Variants in SLC16A11 observed in about 807,000 individuals in gnomAD.
SLC16A11 encodes monocarboxylate transporter 11.
SLC16A11 carries 24 observed loss-of-function variants against 26.0 expected under a neutral mutation model. The observed-to-expected ratio is 0.92, with a 90% CI of 0.67 to 1.30. The LOEUF is 1.30. SLC16A11 is among the 50% of genes most tolerant of loss of function. SLC16A11 has a pLI of 0.00. For missense variants in SLC16A11, 638 were observed against 597.7 expected, an observed-to-expected ratio of 1.07 and a Z score of -0.70; for synonymous variants, 332 against 296.0, an observed-to-expected ratio of 1.12 and a Z score of -1.25.
Position 7,043,373 on chromosome 17 carries a change from G to A in SLC16A11, c.141C>T (p.Asp47=), listed in dbSNP as rs1910855995. ...TCCACGCAGTGTCCTGGGCGCTTCG[G>A]TCAAAGTGCTCGGCAAGGTCAGGGA... ...LAFPDLAEHF[D]RSAQDTAWIS... is the part of the protein sequence containing the mutation. Residue 47 remains aspartate, a synonymous_variant, in exon 2 of 5, where the codon GAC becomes GAT. Coordinates refer to ENST00000574600, the MANE Select transcript of SLC16A11 (RefSeq NM_001370549.1). The A allele has an allele frequency of 6.2e-7, 1 of 1,610,494 alleles. No homozygotes were observed. Among genetic ancestry groups the A allele is most frequent in the Non-Finnish European group, 8.5e-7 (1 of 1,179,842 alleles).
chr17:7,042,211 C>T lies in SLC16A11; in HGVS notation c.899G>A (p.Trp300Ter). The change falls in exon 4 of 5, where the codon TGG becomes TAG. Residue 300 changes from tryptophan to a stop codon, truncating the protein, a stop_gained. Transcript: ENST00000574600. LOFTEE classifies it high-confidence loss of function. The surrounding 1 kb of genome is among the most constrained non-coding windows in gnomAD (Gnocchi z 5.9). ...VFGALTGLGLWVVGLVPVVGG... is the reference protein window; with the variant it reads ...VFGALTGLGL ...CACCACGGGCACCAGCCCCACCACC[C>T]ACAGCCCCAGCCCAGTCAGAGCCCC... The T allele has an allele frequency of 6.4e-7, 1 of 1,574,382 alleles. No individual in the cohort carries two copies.
chr17:7,042,272 C>G lies in SLC16A11; in HGVS notation c.838G>C (p.Gly280Arg). The G allele has an allele frequency of 6.4e-7, 1 of 1,572,474 alleles. No homozygotes were observed. The highest frequency in any genetic ancestry group is 8.6e-7 in the Non-Finnish European group (1 of 1,159,368). Residue 280 changes from glycine to arginine, a missense_variant, in exon 4 of 5, where the codon GGC becomes CGC. Coordinates refer to ENST00000574600, the MANE Select transcript of SLC16A11 (RefSeq NM_001370549.1). The surrounding 1 kb of genome is among the most constrained non-coding windows in gnomAD (Gnocchi z 5.9). The part of the protein sequence containing the change: ...RLVCGWLADQ[G>R]WVPLPRLLAV... ...AGCAGCCGCGGGAGGGGCACCCAGCCTTGGTCTGCCAGCCACCCGCAGACC... is the reference window on the plus strand; with the variant it reads ...AGCAGCCGCGGGAGGGGCACCCAGCGTTGGTCTGCCAGCCACCCGCAGACC...
Position 7,041,725 on chromosome 17 carries a change from A to G in SLC16A11, c.1298T>C (p.Leu433Ser), listed in dbSNP as rs201652999. 87 of 1,613,094 alleles carry G rather than the reference A, an allele frequency of 5.4e-5. 1 individual carries two copies. The Admixed American group carries it at 1.1e-3, about 21-fold the overall frequency. ...GGAGCCAGGGCCTCCTGGGGACAGC[A>G]AGACTGCCTGGGGAGCGGGAAGCAG... ...GELLPAPQAV[L>S]LSPGGPGSTL... The change falls in exon 5 of 5, where the codon TTG becomes TCG. Residue 433 changes from leucine (L) to serine (S), a missense_variant. Transcript: ENST00000574600.
chr17:7,043,592 G>T, intron 1 of SLC16A11, 73 bp from the exon 2 acceptor site: 2 of 1,532,138 alleles, frequency 1.3e-6, no homozygotes, highest in Non-Finnish European at 1.7e-6. Context: ...GCATCCCTGA[G>T]ATCCAGCCTC....
At chr17:7,043,714 G>A in intron 1 of SLC16A11, 61 bp downstream of exon 1, 4 of 1,152,648 alleles carry the variant, frequency 3.5e-6, no homozygotes, top group East Asian at 2.7e-5. Context: ...GTACGGGGAC[G>A]GGGACAGCCA....
At position 7,042,243 on chromosome 17, in the gene SLC16A11, G is replaced by C. The variant is rs566760366; in HGVS notation, c.867C>G (p.Ala289=). The C allele has an allele frequency of 1.3e-6, 2 of 1,581,072 alleles. No homozygotes were observed. Among genetic ancestry groups the C allele is most frequent in the African/African-American group, 1.4e-5 (1 of 73,820 alleles). ...QGWVPLPRLL[A]VFGALTGLGL... Reference sequence around the variant, plus strand: ...CCAGCCCAGTCAGAGCCCCGAATACGGCCAGCAGCCGCGGGAGGGGCACCC... The same window carrying C: ...CCAGCCCAGTCAGAGCCCCGAATACCGCCAGCAGCCGCGGGAGGGGCACCC... Residue 289 remains alanine, a synonymous_variant, in exon 4 of 5, where the codon GCC becomes GCG. Coordinates refer to ENST00000574600, the MANE Select transcript of SLC16A11 (RefSeq NM_001370549.1). The surrounding 1 kb of genome is among the most constrained non-coding windows in gnomAD (Gnocchi z 5.9).
Position 7,042,847 on chromosome 17 carries a change from C to A in SLC16A11, c.346+83G>T. The A allele has an allele frequency of 1.3e-6, 2 of 1,588,522 alleles. No individual in the cohort carries two copies. The highest frequency in any genetic ancestry group is 1.7e-6 in the Non-Finnish European group (2 of 1,168,006). ...CAGCCCGGCTCTCCGCACCAGGCCC[C>A]CGCCTCGTTCGCTACCCCAGATCCC... On this transcript the variant is annotated intron_variant, in intron 3 of 4. Transcript: ENST00000574600. This position sits in a 1 kb window ranked among gnomAD's most constrained non-coding sequence, Gnocchi z 5.9.
rs766197321 is a variant in SLC16A11 at position 7,042,516 on chromosome 17, G to C, written c.594C>G (p.Asp198Glu). Residue 198 changes from aspartate to glutamate, a missense_variant, in exon 4 of 5, where the codon GAC (aspartate) becomes GAG (glutamate). By Grantham distance (45) the Asp-to-Glu change is conservative. Coordinates refer to ENST00000574600, the MANE Select transcript of SLC16A11 (RefSeq NM_001370549.1). This position sits in a 1 kb window ranked among gnomAD's most constrained non-coding sequence, Gnocchi z 5.9. ...ALLLPLVLPG[D>E]PPAPPRSPLA... ...GGGGACTACGCGGTGGGGCTGGGGG[G>C]TCTCCAGGAAGGACCAGGGGTAGCA... 9.6e-6 allele frequency: 15 copies of C among 1,564,962 alleles called. No individual in the cohort carries two copies. Among genetic ancestry groups the C allele is most frequent in the Middle Eastern group, 3.3e-4 (2 of 6,020 alleles).
In SLC16A11 at chr17:7,042,701, G is replaced by A. The variant is rs1910818445; in HGVS notation, c.409C>T (p.Arg137Cys). Residue 137 changes from arginine to cysteine, a missense_variant, in exon 4 of 5, where the codon CGT becomes TGT. Physicochemically the swap from Arg to Cys is radical, Grantham distance 180. Transcript: ENST00000574600. This position sits in a 1 kb window ranked among gnomAD's most constrained non-coding sequence, Gnocchi z 5.9. ...LGTLSRYFSRRRVLAVGLALT... is the reference protein window; with the variant it reads ...LGTLSRYFSRCRVLAVGLALT... The stretch of plus-strand genomic sequence containing the variant: ...GCCAGCCCCACCGCCAAGACTCGAC[G>A]GCGGGAGAAGTAACGCGAGAGGGTG... The A allele has an allele frequency of 1.3e-6, 2 of 1,549,470 alleles. No homozygotes were observed. The highest frequency in any genetic ancestry group is 1.3e-5 in the African/African-American group (1 of 74,134).
In SLC16A11 at chr17:7,042,359, C is replaced by T. The variant is rs778302455; in HGVS notation, c.751G>A (p.Gly251Arg). ...LAPHALDRGL[G>R]GYGAALVVAV... ...ACCACCAGCGCTGCTCCGTATCCCCCCAGGCCCCGGTCTAAAGCGTGGGGA... is the reference window on the plus strand; with the variant it reads ...ACCACCAGCGCTGCTCCGTATCCCCTCAGGCCCCGGTCTAAAGCGTGGGGA... The change falls in exon 4 of 5, where the codon GGG becomes AGG. Residue 251 changes from glycine to arginine, a missense_variant. Gly to Arg is a moderately radical substitution (Grantham distance 125). Transcript: ENST00000574600. The surrounding 1 kb of genome is among the most constrained non-coding windows in gnomAD (Gnocchi z 5.9). The T allele has an allele frequency of 1.2e-5, 18 of 1,563,184 alleles. No individual in the cohort carries two copies. The African/African-American group carries it at 2.3e-4, about 20-fold the overall frequency.
chr17:7,042,260 G>A lies in SLC16A11; in HGVS notation c.850C>T (p.Leu284Phe), dbSNP rs1158414197. 2 of 1,576,248 alleles carry A rather than the reference G, an allele frequency of 1.3e-6. No homozygotes were observed. The highest frequency in any genetic ancestry group is 1.8e-5 in the Admixed American group (1 of 56,276). ...CCGAATACGGCCAGCAGCCGCGGGA[G>A]GGGCACCCAGCCTTGGTCTGCCAGC... ...GWLADQGWVP[L>F]PRLLAVFGAL... is the part of the protein sequence containing the mutation. The change falls in exon 4 of 5, where the codon CTC (leucine) becomes TTC (phenylalanine). Residue 284 changes from leucine (L) to phenylalanine (F), a missense_variant. By Grantham distance (22) the Leu-to-Phe change is conservative. Transcript: ENST00000574600. This position sits in a 1 kb window ranked among gnomAD's most constrained non-coding sequence, Gnocchi z 5.9.
Position 7,042,511 on chromosome 17 carries a change from G to C in SLC16A11, c.599C>G (p.Pro200Arg). ...AGCTAGGGGACTACGCGGTGGGGCT[G>C]GGGGGTCTCCAGGAAGGACCAGGGG... ...LLPLVLPGDP[P>R]APPRSPLAAL... Residue 200 changes from proline (P) to arginine (R), a missense_variant, in exon 4 of 5, where the codon CCA becomes CGA. Physicochemically the swap from Pro to Arg is moderately radical, Grantham distance 103. Transcript: ENST00000574600. This position sits in a 1 kb window ranked among gnomAD's most constrained non-coding sequence, Gnocchi z 5.9. The C allele has an allele frequency of 6.4e-7, 1 of 1,563,584 alleles. No individual in the cohort carries two copies. The highest frequency in any genetic ancestry group is 1.2e-5 in the South Asian group (1 of 85,236).
At chr17:7,043,601 T>G (rs201090733) in intron 1 of SLC16A11, 82 bp from the exon 2 acceptor site, 32 of 1,515,756 alleles carry the variant, frequency 2.1e-5, no homozygotes, top group East Asian at 1.6e-4. Context: ...AGATCCAGCC[T>G]CTGGCTGCTC....
intron 1 of SLC16A11, 115 bp downstream of exon 1, chr17:7,043,660 A>G: frequency 2.0e-6 from 3 of 1,470,482 alleles, no homozygotes; most frequent in South Asian, 2.8e-5. Context: ...GGGCGGAGGG[A>G]GCCGGAGCCT....
At position 7,042,302 on chromosome 17, in the gene SLC16A11, G is replaced by A. The variant is rs536181482; in HGVS notation, c.808C>T (p.Arg270Trp). ...TCTGCCAGCCACCCGCAGACCAGCC[G>A]GGCGCCCGCATCCCCCATCGCAGCC... Reference protein sequence around the residue: ...AVAAMGDAGARLVCGWLADQG... With the variant: ...AVAAMGDAGAWLVCGWLADQG... The change falls in exon 4 of 5, where the codon CGG becomes TGG. Residue 270 changes from arginine (R) to tryptophan (W), a missense_variant. Coordinates refer to ENST00000574600, the MANE Select transcript of SLC16A11 (RefSeq NM_001370549.1). The surrounding 1 kb of genome is among the most constrained non-coding windows in gnomAD (Gnocchi z 5.9). The A allele has an allele frequency of 3.2e-6, 5 of 1,552,222 alleles. No homozygotes were observed. Among genetic ancestry groups the A allele is most frequent in the Admixed American group, 1.9e-5 (1 of 52,324 alleles).
rs1910808319 is a variant in SLC16A11, at chr17:7,042,567, G to A, written c.543C>T (p.Leu181=). The change falls in exon 4 of 5, where the codon CTC becomes CTT. Residue 181 remains leucine, a synonymous_variant. Coordinates refer to ENST00000574600, the MANE Select transcript of SLC16A11 (RefSeq NM_001370549.1). The surrounding 1 kb of genome is among the most constrained non-coding windows in gnomAD (Gnocchi z 5.9). ...GALLLLGAIT[L]HLTPCGALLL... is the part of the protein sequence containing the mutation. ...GCAGGGCGCCACAGGGGGTGAGGTG[G>A]AGGGTGATCGCGCCGAGGAGGAGCA... 6.3e-7 allele frequency: 1 copy of A among 1,583,144 alleles called. No individual in the cohort carries two copies. The highest frequency in any genetic ancestry group is 1.3e-5 in the African/African-American group (1 of 74,754).
chr17:7,042,065 C>G lies in SLC16A11; in HGVS notation c.1045G>C (p.Val349Leu). The G allele has an allele frequency of 4.4e-6, 7 of 1,604,732 alleles. No homozygotes were observed. The highest frequency in any genetic ancestry group is 6.0e-6 in the Non-Finnish European group (7 of 1,173,906). The part of the protein sequence containing the change: ...VLPGLVGVGG[V>L]VQATGLVMML... The stretch of plus-strand genomic sequence containing the variant: ...ATCACCAGCCCTGTGGCCTGCACCA[C>G]ACCTCCGACGCCCACCAGCCCGGGG... Residue 349 changes from valine (V) to leucine (L), a missense_variant, in exon 4 of 5, where the codon GTG (valine) becomes CTG (leucine). Coordinates refer to ENST00000574600, the MANE Select transcript of SLC16A11 (RefSeq NM_001370549.1). The surrounding 1 kb of genome is among the most constrained non-coding windows in gnomAD (Gnocchi z 5.9).
chr17:7,041,638 A>G lies in SLC16A11; in HGVS notation c.*41T>C, dbSNP rs1393813266. 12 of 1,526,814 alleles carry G rather than the reference A, an allele frequency of 7.9e-6. No individual in the cohort carries two copies. The highest frequency in any genetic ancestry group is 1.1e-5 in the Non-Finnish European group (12 of 1,134,190). 94.6% of individuals were successfully genotyped at this position (1,526,814 alleles called of 1,614,324 possible). A position where few individuals can be genotyped will look rare whatever the true frequency, so the allele number is the denominator to read the frequency against. ...GTTGGAGGTTTCAGGAAAACCCGAT[A>G]AAAATTCTTTATTGGGGGAGGGGCT... is the stretch of plus-strand genomic sequence containing the variant. On this transcript the variant is annotated 3_prime_UTR_variant, in exon 5 of 5. Transcript: ENST00000574600.
chr17:7,042,828 G>C lies in SLC16A11; in HGVS notation c.347-65C>G. The C allele has an allele frequency of 6.4e-7, 1 of 1,568,724 alleles. No individual in the cohort carries two copies. On this transcript the variant is annotated intron_variant, in intron 3 of 4. Transcript: ENST00000574600. The surrounding 1 kb of genome is among the most constrained non-coding windows in gnomAD (Gnocchi z 5.9). The stretch of plus-strand genomic sequence containing the variant: ...ACGCCCGCCCCAGCATTCCCAGCCC[G>C]GCTCTCCGCACCAGGCCCCCGCCTC...
Sources: allele counts gnomAD v4.1 joint callset, GRCh38; gene constraint gnomAD v4.1.1; non-coding constraint Gnocchi (gnomAD v3.1); transcripts MANE v1.5; gene names NCBI Gene and HGNC (gene_info 2026-07-23, HGNC 2026-07-21).